The following CSMD1 variants were observed in gnomAD, a reference collection of about 807,000 sequenced individuals.
The protein encoded by CSMD1 is CUB and Sushi multiple domains 1.
A neutral mutation model predicts 417.5 loss-of-function variants in CSMD1; 213 were observed. The ratio of observed to expected loss-of-function variants is 0.51; its 90% CI spans 0.46 to 0.57. The LOEUF (loss-of-function observed/expected upper bound fraction) is 0.57, where lower values mean the gene tolerates loss of function less well. CSMD1 is among the 20% of genes least tolerant of loss of function. The pLI is 0.00. For synonymous variants in CSMD1, 2,862 were observed against 1,736.8 expected (o/e 1.65, Z -16.11); for missense variants, 6,923 against 4,529.7 (o/e 1.53, Z -15.17).
intron 1 of CSMD1, among the ~76,000 whole-genome samples, chr8:4,677,618 C>T (rs754601066): frequency 2.0e-5 from 3 of 152,124 alleles, no homozygotes; most frequent in Non-Finnish European, 4.4e-5. Context: ...ATCACTGCTG[C>T]ATTTTTATAT....
Position 4,793,743 on chromosome 8 carries a change from G to A in CSMD1, c.86-156185C>T, listed in dbSNP as rs116149453. Among the ~76,000 whole-genome samples the A allele has an allele frequency of 4.2e-3, 642 of 151,192 alleles. 8 individuals are homozygous for A. Among genetic ancestry groups the A allele is most frequent in the African/African-American group, 0.015 (625 of 41,112 alleles). On this transcript the variant is annotated intron_variant, in intron 1 of 69. Coordinates refer to ENST00000635120, the MANE Select transcript of CSMD1 (RefSeq NM_033225.6). ...TTACAGGGGAAATGACATTCATTGG[G>A]ATGTGGACATTCGTTTTACCATCTT... is the stretch of plus-strand genomic sequence containing the variant.
At chr8:4,375,535 A>T (rs1372717112) in intron 3 of CSMD1, among the ~76,000 whole-genome samples, 1 of 152,008 alleles carries the variant, frequency 6.6e-6, no homozygotes, top group Non-Finnish European at 1.5e-5. Flanking sequence ...TTTCCTCCTT[A>T]ACATTTTAGC....
chr8:4,030,263 C>A (rs1370120029), intron 4 of CSMD1, among the ~76,000 whole-genome samples: 1 of 152,224 alleles, frequency 6.6e-6, no homozygotes, highest in African/African-American at 2.4e-5. Flanking sequence ...CCCTCCTGCA[C>A]TGCCCTAGCA....
intron 1 of CSMD1, among the ~76,000 whole-genome samples, chr8:4,747,281 A>G (rs1028813251): frequency 6.6e-6 from 1 of 152,150 alleles, no homozygotes; most frequent in African/African-American, 2.4e-5. Flanking sequence ...AACAAGCCCT[A>G]TTTTCTACTC....
chr8:4,881,565 C>T (rs994690469), intron 1 of CSMD1, among the ~76,000 whole-genome samples: 2 of 149,790 alleles, frequency 1.3e-5, no homozygotes, highest in African/African-American at 4.9e-5. Context: ...TCATTTACGC[C>T]TCAATATATT....
At chr8:3,770,935 C>T (rs1244414893) in intron 5 of CSMD1, among the ~76,000 whole-genome samples, 1 of 152,030 alleles carries the variant, frequency 6.6e-6, no homozygotes, top group Admixed American at 6.6e-5. Context: ...TGGTGAATCT[C>T]CGAATTCAAT....
rs181433381 is a variant in CSMD1 at position 4,887,063 on chromosome 8, T to G, written c.85+107269A>C. ...CCATTTCCAATGTGCTAGGTGGAAGTTTAGGATATTAATTGGAGATTTTTC... is the reference window on the plus strand; with the variant it reads ...CCATTTCCAATGTGCTAGGTGGAAGGTTAGGATATTAATTGGAGATTTTTC... On this transcript the variant is annotated intron_variant, in intron 1 of 69. Coordinates refer to ENST00000635120, the MANE Select transcript of CSMD1 (RefSeq NM_033225.6). Among the ~76,000 whole-genome samples the G allele has an allele frequency of 1.5e-4, 23 of 152,122 alleles. No homozygotes were observed. The East Asian group carries it at 2.9e-3, about 19-fold the overall frequency.
chr8:4,701,520 G>C (rs970411325), intron 1 of CSMD1, among the ~76,000 whole-genome samples: 2 of 151,960 alleles, frequency 1.3e-5, no homozygotes, highest in Non-Finnish European at 2.9e-5. Context: ...CAGAGGGACT[G>C]GGAAGCATCA....
intron 7 of CSMD1, among the ~76,000 whole-genome samples, chr8:3,675,995 T>C (rs1213232921): frequency 1.3e-5 from 2 of 152,206 alleles, no homozygotes; most frequent in South Asian, 2.1e-4. Flanking sequence ...GACTCTGTAA[T>C]AGTTTACTGG....
chr8:3,052,711 C>T, intron 49 of CSMD1, 64 bp from the exon 50 acceptor site: 1 of 1,143,896 alleles, frequency 8.7e-7, no homozygotes, highest in Non-Finnish European at 1.2e-6. Flanking sequence ...CTATTAAAAC[C>T]ATTGATTGAT....
rs1377890054 is a variant in CSMD1 at position 4,197,376 on chromosome 8, T to C, written c.416-165277A>G. ...TCAGACATTATTGTGGGTGTGTCTG[T>C]GGTGGTGTTTTTACATAAGATGAAC... On this transcript the variant is annotated intron_variant, in intron 3 of 69. Coordinates refer to ENST00000635120, the MANE Select transcript of CSMD1 (RefSeq NM_033225.6). Among the ~76,000 whole-genome samples the C allele has an allele frequency of 2.6e-5, 4 of 152,120 alleles. No individual in the cohort carries two copies. The East Asian group carries it at 5.8e-4, about 22-fold the overall frequency.
intron 5 of CSMD1, among the ~76,000 whole-genome samples, chr8:3,924,886 T>C (rs1294425588): frequency 6.6e-6 from 1 of 152,208 alleles, no homozygotes; most frequent in African/African-American, 2.4e-5. Flanking sequence ...TTGGTACTGG[T>C]GCTTTGTTTT....
intron 1 of CSMD1, among the ~76,000 whole-genome samples, chr8:4,885,365 C>A (rs568290908): frequency 1.2e-4 from 19 of 152,098 alleles, no homozygotes; most frequent in African/African-American, 4.6e-4. Context: ...ACCTCTAGCA[C>A]AATGTTGAAC....
chr8:3,931,462 A>C (rs1810132343), intron 5 of CSMD1, among the ~76,000 whole-genome samples: 1 of 150,240 alleles, frequency 6.7e-6, no homozygotes, highest in African/African-American at 2.5e-5. Flanking sequence ...CCTCCTGACA[A>C]TTCATCAGAT....
At chr8:3,526,580 T>A (rs961038110) in intron 10 of CSMD1, among the ~76,000 whole-genome samples, 1 of 152,210 alleles carries the variant, frequency 6.6e-6, no homozygotes, top group Non-Finnish European at 1.5e-5. Flanking sequence ...TTGCCTGTGT[T>A]TATTCTAGGG....
At chr8:4,055,617 A>G (rs1798651581) in intron 3 of CSMD1, among the ~76,000 whole-genome samples, 1 of 152,142 alleles carries the variant, frequency 6.6e-6, no homozygotes, top group Non-Finnish European at 1.5e-5. Context: ...TAATGAATAT[A>G]AAATATTAAT....
At chr8:3,734,819 T>G (rs1199935769) in intron 6 of CSMD1, among the ~76,000 whole-genome samples, 1 of 152,250 alleles carries the variant, frequency 6.6e-6, no homozygotes, top group Non-Finnish European at 1.5e-5. Context: ...GTGACGGGGA[T>G]ACCTTCCTTC....
chr8:4,424,283 G>T (rs900800187), intron 2 of CSMD1, among the ~76,000 whole-genome samples: 1 of 151,972 alleles, frequency 6.6e-6, no homozygotes, highest in Non-Finnish European at 1.5e-5. Flanking sequence ...ACATTCGCAA[G>T]CCAAATATCT....
intron 1 of CSMD1, among the ~76,000 whole-genome samples, chr8:4,776,894 G>T (rs1796881236): frequency 6.6e-6 from 1 of 152,150 alleles, no homozygotes; most frequent in Non-Finnish European, 1.5e-5. Flanking sequence ...TCTTTAAAAG[G>T]AGATCATAAC....
Sources: gnomAD v4.1 joint callset for allele counts (sites outside exome capture counted in the v4.1 genomes callset) on GRCh38, gnomAD v4.1.1 for gene constraint, MANE v1.5 for transcripts, NCBI Gene and HGNC (gene_info 2026-07-23, HGNC 2026-07-21) for gene names.